CSMD1: variants seen among roughly 807,000 people sequenced by gnomAD.
The protein encoded by CSMD1 is CUB and Sushi multiple domains 1.
Under a neutral mutation model 417.5 loss-of-function variants are expected in CSMD1, and 213 were observed. That is an observed-to-expected ratio of 0.51 (90% CI 0.46 to 0.57). CSMD1 has a LOEUF of 0.57. CSMD1 is among the 20% of genes least tolerant of loss of function. The probability of loss-of-function intolerance (pLI) is 0.00; values close to 1 mark genes in which losing one functional copy is unlikely to be tolerated. For synonymous variants in CSMD1, 2,862 were observed against 1,736.8 expected, an observed-to-expected ratio of 1.65 and a Z score of -16.11; for missense variants, 6,923 against 4,529.7, an observed-to-expected ratio of 1.53 and a Z score of -15.17.
chr8:3,310,669 A>G (rs1805262151), intron 23 of CSMD1, among the ~76,000 whole-genome samples: 1 of 152,194 alleles, frequency 6.6e-6, no homozygotes, highest in Admixed American at 6.5e-5. Context: ...CTGGAACAGG[A>G]TCCTGGGAAA....
chr8:3,745,690 G>T (rs1211233749), intron 6 of CSMD1, among the ~76,000 whole-genome samples: 1 of 152,196 alleles, frequency 6.6e-6, no homozygotes, highest in Non-Finnish European at 1.5e-5. Context: ...GCAGCTGCTG[G>T]AGTAAGGACG....
chr8:3,705,203 A>G (rs12541682), intron 7 of CSMD1, among the ~76,000 whole-genome samples: 58,183 of 152,056 alleles, frequency 0.38, 11,448 homozygotes, highest in East Asian at 0.55. Flanking sequence ...TGCTTTCTGC[A>G]CTGAAGGCAA....
At position 3,157,900 on chromosome 8, in the gene CSMD1, T is replaced by G. The variant is rs1394377021; in HGVS notation, c.5911A>C (p.Ile1971Leu). 5 of 1,552,994 alleles carry G rather than the reference T, an allele frequency of 3.2e-6. No individual in the cohort carries two copies. The Admixed American group carries it at 7.8e-5, about 24-fold the overall frequency. ...RRWNYPSPLC[I>L]ATCGGTLSTL... ...GTTACAGAAGGTGCATCCTTACCAA[T>G]GCACAGGGGAGACGGATAGTTCCAA... Residue 1971 changes from isoleucine (I) to leucine (L), a missense_variant, in exon 39 of 70, where the codon ATT becomes CTT. Coordinates refer to ENST00000635120, the MANE Select transcript of CSMD1 (RefSeq NM_033225.6).
intron 1 of CSMD1, among the ~76,000 whole-genome samples, chr8:4,784,395 A>G (rs560805748): frequency 5.3e-5 from 8 of 152,214 alleles, no homozygotes; most frequent in Non-Finnish European, 1.0e-4. Flanking sequence ...AACACAAGCA[A>G]TTACAAAGGG....
intron 1 of CSMD1, among the ~76,000 whole-genome samples, chr8:4,686,635 T>A (rs1405292995): frequency 6.6e-6 from 1 of 152,240 alleles, no homozygotes; most frequent in East Asian, 1.9e-4. Flanking sequence ...ATCAAAGCCA[T>A]AAGTGAAATA....
intron 5 of CSMD1, among the ~76,000 whole-genome samples, chr8:3,923,173 C>G (rs1193146585): frequency 3.9e-5 from 6 of 152,128 alleles, no homozygotes; most frequent in Non-Finnish European, 8.8e-5. Context: ...TGAGACCTCT[C>G]CTCATCAGTG....
At chr8:4,632,383 C>CA in intron 2 of CSMD1, among the ~76,000 whole-genome samples, 1 of 143,578 alleles carries the variant, frequency 7.0e-6, no homozygotes, top group Non-Finnish European at 1.5e-5. Context: ...TGTGGTGGTG[C>CA]ACCCTGTAAT....
At chr8:3,600,226 C>G (rs750076198) in intron 8 of CSMD1, among the ~76,000 whole-genome samples, 1 of 152,204 alleles carries the variant, frequency 6.6e-6, no homozygotes, top group South Asian at 2.1e-4. Flanking sequence ...TTCTCCTTTT[C>G]TCCTTCTCCT....
chr8:4,787,949 C>T, intron 1 of CSMD1: 3 of 1,594,740 alleles, frequency 1.9e-6, no homozygotes, highest in Non-Finnish European at 2.6e-6. Flanking sequence ...ACAATGATTC[C>T]TGGAGACTCT....
At chr8:4,202,355 A>G (rs957433974) in intron 3 of CSMD1, among the ~76,000 whole-genome samples, 8 of 152,196 alleles carry the variant, frequency 5.3e-5, no homozygotes, top group Non-Finnish European at 1.0e-4. Context: ...TAATGTCTTC[A>G]TGTATCATTC....
intron 49 of CSMD1, among the ~76,000 whole-genome samples, chr8:3,084,659 A>G (rs1485120816): frequency 1.3e-5 from 2 of 152,082 alleles, no homozygotes; most frequent in Non-Finnish European, 2.9e-5. Flanking sequence ...AATATAGCTA[A>G]ATCACCTTTA....
chr8:4,925,933 C>T (rs1047384625), intron 1 of CSMD1, among the ~76,000 whole-genome samples: 3 of 152,166 alleles, frequency 2.0e-5, no homozygotes, highest in Admixed American at 6.5e-5. Context: ...TCATTTGATG[C>T]ATTTCCAGCC....
At chr8:3,340,285 G>C (rs144507455) in intron 23 of CSMD1, among the ~76,000 whole-genome samples, 98 of 152,258 alleles carry the variant, frequency 6.4e-4, no homozygotes, top group African/African-American at 2.3e-3. Context: ...CCAAGACCTG[G>C]AATTACCAGG....
chr8:4,456,858 C>T (rs767292139), intron 2 of CSMD1, among the ~76,000 whole-genome samples: 1 of 152,000 alleles, frequency 6.6e-6, no homozygotes, highest in Non-Finnish European at 1.5e-5. Context: ...CCAAGCCTGG[C>T]CCTGGGCACT....
At chr8:4,334,633 A>C (rs1003903882) in intron 3 of CSMD1, among the ~76,000 whole-genome samples, 3 of 152,166 alleles carry the variant, frequency 2.0e-5, no homozygotes, top group Non-Finnish European at 4.4e-5. Context: ...GCTGACTAAT[A>C]CATAGCTTTA....
At chr8:4,194,108 T>C (rs1473202808) in intron 3 of CSMD1, among the ~76,000 whole-genome samples, 1 of 152,160 alleles carries the variant, frequency 6.6e-6, no homozygotes, top group Admixed American at 6.5e-5. Context: ...ATGGTAGGCA[T>C]ACGTTCAACA....
chr8:4,697,878 T>C (rs185261070), intron 1 of CSMD1, among the ~76,000 whole-genome samples: 21 of 152,308 alleles, frequency 1.4e-4, no homozygotes, highest in Non-Finnish European at 4.4e-5. Flanking sequence ...TTACATAATA[T>C]GTAAAGGACC....
intron 7 of CSMD1, among the ~76,000 whole-genome samples, chr8:3,661,909 G>A (rs944199816): frequency 2.0e-5 from 3 of 152,170 alleles, no homozygotes; most frequent in Non-Finnish European, 4.4e-5. Flanking sequence ...GAAGAAGACA[G>A]CAAATTTATA....
intron 2 of CSMD1, among the ~76,000 whole-genome samples, chr8:4,552,795 T>G (rs967906588): frequency 6.6e-6 from 1 of 152,180 alleles, no homozygotes; most frequent in Admixed American, 6.5e-5. Context: ...TTTACACACC[T>G]AACCCCACCT....
Sources: gnomAD v4.1 joint callset for allele counts (sites outside exome capture counted in the v4.1 genomes callset) on GRCh38, gnomAD v4.1.1 for gene constraint, MANE v1.5 for transcripts, NCBI Gene and HGNC (gene_info 2026-07-23, HGNC 2026-07-21) for gene names.